Variants in TMEFF2 observed in about 807,000 individuals in gnomAD.
The protein encoded by TMEFF2 is tomoregulin-2.
In TMEFF2, 28 loss-of-function variants were observed where a neutral mutation model predicts 53.8. The observed-to-expected ratio is 0.52, with a 90% CI of 0.39 to 0.71. TMEFF2 has a LOEUF of 0.71. Among genes scored for constraint, TMEFF2 ranks in the 30% least tolerant of loss-of-function variants. TMEFF2 has a pLI of 0.00. For missense variants in TMEFF2, 353 were observed against 455.2 expected (o/e 0.78, Z 2.04); for synonymous variants, 162 against 166.3 (o/e 0.97, Z 0.20).
At chr2:192,186,668 G>A (rs1464381950) in intron 2 of TMEFF2, among the ~76,000 whole-genome samples, 1 of 152,074 alleles carries the variant, frequency 6.6e-6, no homozygotes, top group African/African-American at 2.4e-5. Context: ...TCATGCTTGA[G>A]GCCTGGTATT....
intron 4 of TMEFF2, among the ~76,000 whole-genome samples, chr2:192,122,212 A>C (rs1402510103): frequency 2.0e-5 from 3 of 152,190 alleles, no homozygotes; most frequent in African/African-American, 7.2e-5. Context: ...AAATATGGCC[A>C]TACTTCATCC....
intron 7 of TMEFF2, among the ~76,000 whole-genome samples, chr2:191,966,223 C>G (rs1051640023): frequency 1.3e-5 from 2 of 152,100 alleles, no homozygotes; most frequent in Admixed American, 1.3e-4. Context: ...GTAAGTACTG[C>G]CTTATGAAAG....
At position 191,964,220 on chromosome 2, in the gene TMEFF2, CTG is replaced by C. The variant is rs748230645; in HGVS notation, c.746-7844_746-7843del. Among the ~76,000 whole-genome samples the C allele has an allele frequency of 4.3e-3, 466 of 107,700 alleles. 3 individuals are homozygous for C. The highest frequency in any genetic ancestry group is 6.3e-3 in the Non-Finnish European group (336 of 53,092). The allele number at this position is 107,700 out of a possible 152,430, so 70.7% of individuals were successfully genotyped here. A position where few individuals can be genotyped will look rare whatever the true frequency, so the allele number is the denominator to read the frequency against. On this transcript the variant is annotated intron_variant, in intron 7 of 9. Transcript: ENST00000272771. ...TTTCTCTTTCTTTCTCTCTTTCTGT[CTG>C]TCTTTCTTTCCTTCCTTCCTTCCTT...
chr2:192,146,517 C>G (rs1026349710), intron 4 of TMEFF2, among the ~76,000 whole-genome samples: 1 of 151,872 alleles, frequency 6.6e-6, no homozygotes, highest in African/African-American at 2.4e-5. Context: ...AGCTCTTCTC[C>G]CCAAGTGTCT....
At chr2:192,052,699 A>G (rs936098116) in intron 5 of TMEFF2, among the ~76,000 whole-genome samples, 17 of 152,280 alleles carry the variant, frequency 1.1e-4, no homozygotes, top group African/African-American at 3.6e-4. Context: ...TTATGTATAA[A>G]TGTATTAGTT....
chr2:192,163,063 A>G (rs933450699), intron 4 of TMEFF2, among the ~76,000 whole-genome samples: 1 of 152,212 alleles, frequency 6.6e-6, no homozygotes, highest in Non-Finnish European at 1.5e-5. Context: ...GAGGCTGAAC[A>G]AAGTCTATGG....
intron 5 of TMEFF2, among the ~76,000 whole-genome samples, chr2:192,013,605 A>G (rs912646583): frequency 1.3e-5 from 2 of 151,982 alleles, no homozygotes; most frequent in South Asian, 4.2e-4. Flanking sequence ...GCCCACCACC[A>G]TGCCCAGCTA....
intron 7 of TMEFF2, among the ~76,000 whole-genome samples, chr2:191,981,563 A>G (rs1015726510): frequency 2.0e-4 from 30 of 152,238 alleles, no homozygotes; most frequent in South Asian, 2.1e-4. Flanking sequence ...AGTAAATGCA[A>G]AATTAAATGT....
intron 4 of TMEFF2, among the ~76,000 whole-genome samples, chr2:192,113,875 T>A (rs978257010): frequency 1.8e-4 from 27 of 152,226 alleles, no homozygotes; most frequent in African/African-American, 5.3e-4. Context: ...CCCATTGCAT[T>A]GATGGCAACT....
At chr2:192,146,546 T>A (rs1178202409) in intron 4 of TMEFF2, among the ~76,000 whole-genome samples, 2 of 152,068 alleles carry the variant, frequency 1.3e-5, no homozygotes, top group Non-Finnish European at 2.9e-5. Flanking sequence ...ATCAGCTTAG[T>A]CATGTGAACT....
intron 5 of TMEFF2, among the ~76,000 whole-genome samples, chr2:192,018,440 GCAAA>G (rs1686789658): frequency 6.6e-6 from 1 of 151,992 alleles, no homozygotes. Flanking sequence ...TCTCAATTTT[GCAAA>G]CATTTTTCAC....
intron 5 of TMEFF2, chr2:192,036,115 T>C (rs1687286623): frequency 6.6e-6 from 1 of 152,254 alleles, no homozygotes; most frequent in African/African-American, 2.4e-5. Flanking sequence ...TTATTCATCA[T>C]TCATTTATTC....
At chr2:192,039,268 C>A (rs921218340) in intron 5 of TMEFF2, among the ~76,000 whole-genome samples, 1 of 152,024 alleles carries the variant, frequency 6.6e-6, no homozygotes, top group Non-Finnish European at 1.5e-5. Context: ...TTTATCAATT[C>A]TATGAATAAA....
At chr2:192,167,243 T>C (rs1690791200) in intron 4 of TMEFF2, among the ~76,000 whole-genome samples, 1 of 152,176 alleles carries the variant, frequency 6.6e-6, no homozygotes, top group Non-Finnish European at 1.5e-5. Context: ...CATTAAATGC[T>C]ATTTTAGATG....
At chr2:192,113,104 A>T (rs1689322644) in intron 4 of TMEFF2, among the ~76,000 whole-genome samples, 1 of 152,234 alleles carries the variant, frequency 6.6e-6, no homozygotes, top group Non-Finnish European at 1.5e-5. Flanking sequence ...ACATGATTTA[A>T]TTAATGTTGA....
chr2:192,135,604 AC>A (rs879416340), intron 4 of TMEFF2, among the ~76,000 whole-genome samples: 32 of 149,314 alleles, frequency 2.1e-4, no homozygotes, highest in Admixed American at 6.7e-4. Flanking sequence ...TCTCCATACC[AC>A]CCCCCAAAAA....
At chr2:191,964,392 T>TC (rs1692399348) in intron 7 of TMEFF2, among the ~76,000 whole-genome samples, 3 of 42,634 alleles carry the variant, frequency 7.0e-5, no homozygotes, top group Non-Finnish European at 1.4e-4. Context: ...CTTTCTTTCT[T>TC]TCTTTCTCTT....
intron 5 of TMEFF2, chr2:192,044,619 T>G (rs1687568147): frequency 6.6e-6 from 1 of 152,316 alleles, no homozygotes; most frequent in South Asian, 2.1e-4. Flanking sequence ...CTCTGTCACT[T>G]GGGCCTTATG....
At chr2:191,964,382 CTTTCTTTCTTTCTTTCTCTT>C (rs1559063610) in intron 7 of TMEFF2, among the ~76,000 whole-genome samples, 24 of 27,530 alleles carry the variant, frequency 8.7e-4, no homozygotes, top group Admixed American at 2.7e-3. Flanking sequence ...CTCTTTCTTT[CTTTCTTTCTTTCTTTCTCTT>C]TCTTTCTTTC....
Sources: allele counts gnomAD v4.1 joint callset (sites outside exome capture counted in the v4.1 genomes callset), GRCh38; gene constraint gnomAD v4.1.1; transcripts MANE v1.5; gene names NCBI Gene and HGNC (gene_info 2026-07-23, HGNC 2026-07-21).